NEDD4L: variants seen among roughly 807,000 people sequenced by gnomAD.
The protein encoded by NEDD4L is E3 ubiquitin-protein ligase NEDD4-like.
A neutral mutation model predicts 148.9 loss-of-function variants in NEDD4L; 54 were observed. The observed-to-expected ratio is 0.36, with a 90% CI of 0.29 to 0.45. NEDD4L has a LOEUF of 0.45. Among genes scored for constraint, NEDD4L ranks in the 20% least tolerant of loss-of-function variants. The probability of loss-of-function intolerance (pLI) is 1.00; values close to 1 mark genes in which losing one functional copy is unlikely to be tolerated. For synonymous variants in NEDD4L, 433 were observed against 440.7 expected, an observed-to-expected ratio of 0.98 and a Z score of 0.22; for missense variants, 856 against 1,233.8, an observed-to-expected ratio of 0.69 and a Z score of 4.59.
intron 5 of NEDD4L, among the ~76,000 whole-genome samples, chr18:58,312,767 G>A (rs759194839): frequency 2.5e-4 from 38 of 152,128 alleles, no homozygotes; most frequent in Non-Finnish European, 4.7e-4. Flanking sequence ...TGCAACCTCC[G>A]CCTCCCGGGT....
At chr18:58,269,602 G>C (rs553885) in intron 5 of NEDD4L, among the ~76,000 whole-genome samples, 7 of 152,114 alleles carry the variant, frequency 4.6e-5, no homozygotes, top group African/African-American at 1.7e-4. Context: ...CCCCTGGCCA[G>C]AAGTAGATGT....
At chr18:58,058,226 A>T (rs1348296087) in intron 1 of NEDD4L, among the ~76,000 whole-genome samples, 1 of 152,216 alleles carries the variant, frequency 6.6e-6, no homozygotes, top group Non-Finnish European at 1.5e-5. Flanking sequence ...GAATCGCTTG[A>T]ACCTGAGAGG....
intron 5 of NEDD4L, among the ~76,000 whole-genome samples, chr18:58,298,131 A>G (rs2055930441): frequency 6.6e-6 from 1 of 152,250 alleles, no homozygotes; most frequent in Non-Finnish European, 1.5e-5. Flanking sequence ...TTTACAGTAG[A>G]TGAATCTATG....
chr18:58,138,132 T>C, intron 1 of NEDD4L, among the ~76,000 whole-genome samples: 1 of 152,210 alleles, frequency 6.6e-6, no homozygotes, highest in Middle Eastern at 3.2e-3. Flanking sequence ...CTCCTCTCTT[T>C]TTCTGGGTTT....
chr18:58,234,541 C>T (rs1392019099), intron 2 of NEDD4L, among the ~76,000 whole-genome samples: 1 of 151,964 alleles, frequency 6.6e-6, no homozygotes, highest in Non-Finnish European at 1.5e-5. Context: ...CACTATGTTG[C>T]CCAGGCTGGC....
intron 18 of NEDD4L, among the ~76,000 whole-genome samples, chr18:58,353,889 C>G (rs2044247535): frequency 1.3e-5 from 2 of 152,184 alleles, no homozygotes; most frequent in Admixed American, 1.3e-4. Context: ...TCTTGTCTTC[C>G]AGCATACCTG....
At chr18:58,063,938 C>T (rs1196309097) in intron 1 of NEDD4L, among the ~76,000 whole-genome samples, 1 of 141,644 alleles carries the variant, frequency 7.1e-6, no homozygotes, top group Non-Finnish European at 1.5e-5. Flanking sequence ...CTTATTTTTA[C>T]TATAATGTTT....
chr18:58,255,111 T>C (rs969828859), intron 5 of NEDD4L, among the ~76,000 whole-genome samples: 8 of 152,164 alleles, frequency 5.3e-5, no homozygotes, highest in Non-Finnish European at 1.2e-4. Context: ...ACATGCCAGG[T>C]CCCTGCACTG....
chr18:58,130,625 G>C lies in NEDD4L; in HGVS notation c.49-35163G>C. On this transcript the variant is annotated intron_variant, in intron 1 of 30. Transcript: ENST00000400345. ...TTGACTGTGATCTAGCAGAACTGTG[G>C]CGGTGTTGGGCTCTGTTGGGGTTTG... 1.4e-5 allele frequency among the ~76,000 whole-genome samples: 2 copies of C among 145,970 alleles called. 1 individual carries two copies. Among genetic ancestry groups the C allele is most frequent in the Admixed American group, 1.4e-4 (2 of 14,772 alleles).
chr18:58,114,061 T>G (rs1236324366), intron 1 of NEDD4L, among the ~76,000 whole-genome samples: 1 of 152,182 alleles, frequency 6.6e-6, no homozygotes, highest in Non-Finnish European at 1.5e-5. Flanking sequence ...CCTTTAATGT[T>G]TTTTTGTGTT....
At chr18:58,066,508 G>A (rs1183248019) in intron 1 of NEDD4L, among the ~76,000 whole-genome samples, 3 of 150,400 alleles carry the variant, frequency 2.0e-5, no homozygotes, top group Non-Finnish European at 1.5e-5. Context: ...TAGTAGAGAC[G>A]GGGTTTCAAC....
At chr18:58,242,435 G>C (rs1332670991) in intron 2 of NEDD4L, among the ~76,000 whole-genome samples, 1 of 152,150 alleles carries the variant, frequency 6.6e-6, no homozygotes, top group Admixed American at 6.5e-5. Flanking sequence ...CCAGCTGAAA[G>C]GGAGGAGGAG....
intron 1 of NEDD4L, among the ~76,000 whole-genome samples, chr18:58,165,153 C>T (rs2036690911): frequency 1.3e-5 from 2 of 151,954 alleles, no homozygotes; most frequent in African/African-American, 2.4e-5. Flanking sequence ...TTCAAGGCCC[C>T]GGGCATAAGA....
intron 2 of NEDD4L, among the ~76,000 whole-genome samples, chr18:58,197,052 C>T (rs775281492): frequency 6.6e-5 from 10 of 152,090 alleles, no homozygotes; most frequent in African/African-American, 9.7e-5. Flanking sequence ...ACTTCTGACC[C>T]TGTTTGCTTG....
chr18:58,215,820 T>A (rs1030724378), intron 2 of NEDD4L, among the ~76,000 whole-genome samples: 1 of 152,190 alleles, frequency 6.6e-6, no homozygotes, highest in Non-Finnish European at 1.5e-5. Context: ...ATATTTATAC[T>A]TCGCATCATA....
chr18:58,290,604 A>G (rs1489621876), intron 5 of NEDD4L, among the ~76,000 whole-genome samples: 1 of 152,242 alleles, frequency 6.6e-6, no homozygotes, highest in African/African-American at 2.4e-5. Context: ...ATTATTAGAA[A>G]TGATGTGTGA....
rs942000579 is a variant in NEDD4L, at chr18:58,310,445, A to G, written c.298-5537A>G. Among the ~76,000 whole-genome samples the G allele has an allele frequency of 2.6e-5, 4 of 152,238 alleles. No individual in the cohort carries two copies. In the South Asian group the frequency reaches 6.2e-4, roughly 24 times the overall value. On this transcript the variant is annotated intron_variant, in intron 5 of 30. Transcript: ENST00000400345. ...TGCATATGAAGTGAATTTTGGTAGG[A>G]GTATGTGCATTCAGAGAATATGTCA...
At chr18:58,329,936 T>G (rs1010637481) in intron 10 of NEDD4L, among the ~76,000 whole-genome samples, 27 of 152,348 alleles carry the variant, frequency 1.8e-4, no homozygotes, top group African/African-American at 6.3e-4. Context: ...GTAACTTGTT[T>G]GGGTATCATA....
At chr18:58,150,842 G>A (rs1189064270) in intron 1 of NEDD4L, among the ~76,000 whole-genome samples, 1 of 151,550 alleles carries the variant, frequency 6.6e-6, no homozygotes, top group Non-Finnish European at 1.5e-5. Context: ...TTTCCATACT[G>A]GGGGCCTTGG....
Sources: allele counts gnomAD v4.1 joint callset (sites outside exome capture counted in the v4.1 genomes callset), GRCh38; gene constraint gnomAD v4.1.1; transcripts MANE v1.5; gene names NCBI Gene and HGNC (gene_info 2026-07-23, HGNC 2026-07-21).